INTS1: variants seen among roughly 807,000 people sequenced by gnomAD.
INTS1 encodes the protein integrator complex subunit 1.
A neutral mutation model predicts 241.6 loss-of-function variants in INTS1; 137 were observed. The ratio of observed to expected loss-of-function variants is 0.57; its 90% CI spans 0.49 to 0.65. The LOEUF is 0.65. Among genes scored for constraint, INTS1 ranks in the 30% least tolerant of loss-of-function variants. The pLI, the probability that INTS1 is intolerant of heterozygous loss-of-function variation, is 0.00. For missense variants in INTS1, 3,073 were observed against 3,032.2 expected (o/e 1.01, Z -0.32); for synonymous variants, 1,692 against 1,337.8 (o/e 1.26, Z -5.78).
intron 20 of INTS1, 90 bp from the exon 21 acceptor site, chr7:1,487,191 G>C (rs7807096): frequency 2.7e-6 from 4 of 1,507,122 alleles, no homozygotes; most frequent in Middle Eastern, 1.7e-4. Context: ...CGGAAAGGGC[G>C]ACACGCAGCA....
In INTS1 at chr7:1,476,861, G is replaced by A. The variant is rs1338019861; in HGVS notation, c.4996C>T (p.His1666Tyr). Residue 1666 changes from histidine to tyrosine, a missense_variant, in exon 36 of 48, where the codon CAT becomes TAT. Coordinates refer to ENST00000404767, the MANE Select transcript of INTS1 (RefSeq NM_001080453.3). ...FRPYLLTLFTHQSSWPTLHQC... is the reference protein window; with the variant it reads ...FRPYLLTLFTYQSSWPTLHQC... ...TGCAGTGTGGGCCAGCTGGACTGATGCGTGAAGAGGGTCAGGAGGTAGGGA... is the reference window on the plus strand; with the variant it reads ...TGCAGTGTGGGCCAGCTGGACTGATACGTGAAGAGGGTCAGGAGGTAGGGA... 9 of 1,612,810 alleles carry A rather than the reference G, an allele frequency of 5.6e-6. No homozygotes were observed. The Admixed American group carries it at 1.5e-4, about 27-fold the overall frequency.
chr7:1,477,984 G>T (rs1781803021), intron 33 of INTS1, 48 bp from the exon 34 acceptor site: 1 of 1,546,982 alleles, frequency 6.5e-7, no homozygotes, highest in African/African-American at 1.4e-5. Context: ...GGTCGGGTGG[G>T]GGCCGCTGAG....
chr7:1,474,078 TC>T (rs1781596631), intron 41 of INTS1, 89 bp downstream of exon 41: 1 of 1,390,388 alleles, frequency 7.2e-7, no homozygotes, highest in African/African-American at 1.4e-5. Context: ...GCAGAGGTCC[TC>T]CCAGTCCCTC....
chr7:1,489,728 A>C, intron 16 of INTS1, 46 bp from the exon 17 acceptor site: 9 of 1,363,124 alleles, frequency 6.6e-6, no homozygotes, highest in Non-Finnish European at 7.9e-6. Context: ...CACCAAGCTC[A>C]GCGCCAAGGA....
intron 37 of INTS1, 56 bp downstream of exon 37, chr7:1,476,514 C>CCCTCTCCCGGATGGGCCACCA (rs1781729383): frequency 1.2e-6 from 2 of 1,601,956 alleles, no homozygotes; most frequent in African/African-American, 2.7e-5. Context: ...ATGGGCCACC[C>CCCTCTCCCGGATGGGCCACCA]CCTCTCCCGG....
Position 1,476,905 on chromosome 7 carries a change from G to T in INTS1, c.4952C>A (p.Ala1651Asp), listed in dbSNP as rs781174873. ...GTAGGGACGGAACGAGGGCACCTGG[G>T]CCTGACCTTTGCCCTGGGGAGGGAG... ...LFSRRKGKGQ[A>D]QVPSFRPYLL... The change falls in exon 36 of 48, where the codon GCC (alanine) becomes GAC (aspartate). Residue 1651 changes from alanine (A) to aspartate (D), a missense_variant. Ala to Asp is a moderately radical substitution (Grantham distance 126). Transcript: ENST00000404767. The T allele has an allele frequency of 6.2e-7, 1 of 1,611,190 alleles. No homozygotes were observed. Among genetic ancestry groups the T allele is most frequent in the Non-Finnish European group, 8.5e-7 (1 of 1,179,470 alleles).
Position 1,481,123 on chromosome 7 carries a change from G to C in INTS1, c.3851-190C>G. 2.8e-6 allele frequency: 2 copies of C among 705,202 alleles called. No individual in the cohort carries two copies. The highest frequency in any genetic ancestry group is 4.9e-6 in the Non-Finnish European group (2 of 407,424). The allele number at this position is 705,202 out of a possible 1,614,324, so 43.7% of individuals were successfully genotyped here. A position where few individuals can be genotyped will look rare whatever the true frequency, so the allele number is the denominator to read the frequency against. On this transcript the variant is annotated intron_variant, in intron 28 of 47. Transcript: ENST00000404767. The surrounding 1 kb of genome is among the most constrained non-coding windows in gnomAD (Gnocchi z 6.8). ...CCTCCAAGCTCAAAACACGGCCCTA[G>C]GGGGTGCCTGGCCCCAGGGTTGGGG...
At chr7:1,496,014 G>T in intron 12 of INTS1, 142 bp downstream of exon 12, 1 of 650,628 alleles carries the variant, frequency 1.5e-6, no homozygotes. Context: ...GCAGCTTCCA[G>T]GCTCCGTGTC....
intron 33 of INTS1, 128 bp from the exon 34 acceptor site, chr7:1,478,064 A>C (rs10265526): frequency 1.2e-6 from 1 of 818,294 alleles, no homozygotes; most frequent in Non-Finnish European, 2.0e-6. Flanking sequence ...GTCCAGCCGG[A>C]GCCAGAGAGG....
chr7:1,480,527 G>A lies in INTS1; in HGVS notation c.3950-86C>T, dbSNP rs73275934. The A allele has an allele frequency of 0.012, 17,961 of 1,439,488 alleles. 1,558 individuals carry two copies. In the African/African-American group the frequency reaches 0.21, roughly 17 times the overall value. The allele number at this position is 1,439,488 out of a possible 1,614,324, so 89.2% of individuals were successfully genotyped here. ...AACTGTACAAGCCATGGCGAGTCCTGCCCGGGGACTGTCACCCAGGAGGAA... is the reference window on the plus strand; with the variant it reads ...AACTGTACAAGCCATGGCGAGTCCTACCCGGGGACTGTCACCCAGGAGGAA... On this transcript the variant is annotated intron_variant, in intron 29 of 47. Transcript: ENST00000404767.
intron 5 of INTS1, 78 bp from the exon 6 acceptor site, chr7:1,499,710 G>A (rs922297874): frequency 1.9e-5 from 28 of 1,507,592 alleles, no homozygotes; most frequent in Admixed American, 1.1e-4. Flanking sequence ...TGCTGCCCGG[G>A]GACTGGGTGC....
At chr7:1,475,030 T>C (rs373955707) in intron 39 of INTS1, among the ~76,000 whole-genome samples, 192 bp from the exon 40 acceptor site, 2 of 152,114 alleles carry the variant, frequency 1.3e-5, no homozygotes, top group African/African-American at 4.8e-5. Flanking sequence ...GAAAACCCCA[T>C]ACAGAATAAA....
chr7:1,502,110 A>G (rs1783211074), intron 3 of INTS1, among the ~76,000 whole-genome samples: 1 of 151,960 alleles, frequency 6.6e-6, no homozygotes, highest in South Asian at 2.1e-4. Flanking sequence ...CTGGCACAAA[A>G]CTCAGTAACC....
chr7:1,491,179 TACA>T (rs1782531563), intron 16 of INTS1, among the ~76,000 whole-genome samples: 3 of 152,164 alleles, frequency 2.0e-5, no homozygotes, highest in African/African-American at 7.2e-5. Flanking sequence ...GCGTCCTAGG[TACA>T]ACGTCAAAGC....
chr7:1,497,023 A>G lies in INTS1; in HGVS notation c.1602+115T>C. 9.2e-7 allele frequency: 1 copy of G among 1,086,298 alleles called. No homozygotes were observed. Among genetic ancestry groups the G allele is most frequent in the Non-Finnish European group, 1.3e-6 (1 of 776,176 alleles). 67.3% of individuals were successfully genotyped at this position (1,086,298 alleles called of 1,614,324 possible). On this transcript the variant is annotated intron_variant, in intron 11 of 47. Transcript: ENST00000404767. This position sits in a 1 kb window ranked among gnomAD's most constrained non-coding sequence, Gnocchi z 5.3. ...AACAGCCTCACTCATCCCCGTACCC[A>G]CGCTCAGCCAGAGCATCCGAAGGGG...
At position 1,476,443 on chromosome 7, in the gene INTS1, C is replaced by T; in HGVS notation, c.5164G>A (p.Glu1722Lys). The T allele has an allele frequency of 1.3e-6, 2 of 1,564,048 alleles. No individual in the cohort carries two copies. The highest frequency in any genetic ancestry group is 1.7e-6 in the Non-Finnish European group (2 of 1,159,620). ...GGGCCCTGGACCCGCAGCACCAGCT[C>T]CTCCCGCCGCTTCTGTAACGGGTGC... Reference protein sequence around the residue: ...DQRTPQKRREELVLRVQGPEL... With the variant: ...DQRTPQKRREKLVLRVQGPEL... The change falls in exon 38 of 48, where the codon GAG (glutamate) becomes AAG (lysine). Residue 1722 changes from glutamate (E) to lysine (K), a missense_variant. By Grantham distance (56) the Glu-to-Lys change is moderately conservative (BLOSUM62 1). Coordinates refer to ENST00000404767, the MANE Select transcript of INTS1 (RefSeq NM_001080453.3).
rs1427744014 is a variant in INTS1 at position 1,484,071 on chromosome 7, A to C, written c.3361T>G (p.Leu1121Val). 1.4e-5 allele frequency: 22 copies of C among 1,612,442 alleles called. No individual in the cohort carries two copies. Among genetic ancestry groups the C allele is most frequent in the Non-Finnish European group, 1.9e-5 (22 of 1,179,750 alleles). The change falls in exon 25 of 48, where the codon TTG becomes GTG. Residue 1121 changes from leucine to valine, a missense_variant. By Grantham distance (32) the Leu-to-Val change is conservative (BLOSUM62 1). Coordinates refer to ENST00000404767, the MANE Select transcript of INTS1 (RefSeq NM_001080453.3). The stretch of plus-strand genomic sequence containing the variant: ...CTCACGTAGCGTGAGAAGATGGACA[A>C]CAGAGCGCTCAGCACGGCGTCCGAC... ...AASDAVLSALLSIFSRYVRRM... is the reference protein window; with the variant it reads ...AASDAVLSALVSIFSRYVRRM...
intron 6 of INTS1, 41 bp from the exon 7 acceptor site, chr7:1,499,401 C>A (rs372686873): frequency 6.5e-7 from 1 of 1,536,884 alleles, no homozygotes; most frequent in Non-Finnish European, 8.8e-7. Context: ...GCCTCCCACC[C>A]GCCCATCCTC....
rs369824890 is a variant in INTS1, at chr7:1,487,722, G to A, written c.2516+38C>T. 68 of 1,599,104 alleles carry A rather than the reference G, an allele frequency of 4.3e-5. No homozygotes were observed. In the African/African-American group the frequency reaches 5.7e-4, roughly 13 times the overall value. ...CCCACACCAACCACCCACAGGTCCC[G>A]ACGGCAGGCGCAGGGCGGGGCTGTG... On this transcript the variant is annotated intron_variant, in intron 19 of 47. Transcript: ENST00000404767.
Sources: gnomAD v4.1 joint callset for allele counts (sites outside exome capture counted in the v4.1 genomes callset) on GRCh38, gnomAD v4.1.1 for gene constraint, Gnocchi (gnomAD v3.1) non-coding constraint, MANE v1.5 for transcripts, NCBI Gene and HGNC (gene_info 2026-07-23, HGNC 2026-07-21) for gene names.